MTUS2: variants seen among roughly 807,000 people sequenced by gnomAD.
MTUS2 encodes the protein microtubule associated scaffold protein 2.
MTUS2 carries 40 observed loss-of-function variants against 114.1 expected under a neutral mutation model. That is an observed-to-expected ratio of 0.35 (90% confidence interval 0.27 to 0.46). The LOEUF is 0.46. Among genes scored for constraint, MTUS2 ranks in the 20% least tolerant of loss-of-function variants. MTUS2 has a pLI of 1.00. For synonymous variants in MTUS2, 688 were observed against 672.0 expected (o/e 1.02, Z -0.37); for missense variants, 1,679 against 1,705.4 (o/e 0.98, Z 0.27).
chr13:28,932,127 G>A (rs1043230172), intron 2 of MTUS2, among the ~76,000 whole-genome samples: 8 of 152,132 alleles, frequency 5.3e-5, no homozygotes, highest in Non-Finnish European at 1.0e-4. Context: ...TCCCATATAA[G>A]CTGCAGCTCA....
intron 4 of MTUS2, 148 bp from the exon 5 acceptor site, chr13:29,100,625 G>A (rs1890370708): frequency 2.1e-6 from 2 of 964,896 alleles, no homozygotes; most frequent in East Asian, 5.3e-5. Flanking sequence ...TCTCTTCCAA[G>A]GTCCATTTTA....
Position 29,457,234 on chromosome 13 carries a change from A to G in MTUS2, c.3184+17185A>G, listed in dbSNP as rs3011611. ...AGAAGTTTGGGCTATGAATACATCT[A>G]TGTAATCACCACCCAAAACAAGATA... is the stretch of plus-strand genomic sequence containing the variant. On this transcript the variant is annotated intron_variant, in intron 9 of 15. Transcript: ENST00000612955. Among the ~76,000 whole-genome samples, 1,410 of 152,142 alleles carry G rather than the reference A, an allele frequency of 9.3e-3. 19 individuals are homozygous for G. Among genetic ancestry groups the G allele is most frequent in the African/African-American group, 0.032 (1,345 of 41,464 alleles).
chr13:28,930,490 C>G (rs1427200315), intron 2 of MTUS2, among the ~76,000 whole-genome samples: 1 of 152,132 alleles, frequency 6.6e-6, no homozygotes, highest in East Asian at 1.9e-4. Flanking sequence ...TGTTTCCTTA[C>G]TGGGTAGATT....
At chr13:29,120,943 A>G (rs996612032) in intron 5 of MTUS2, among the ~76,000 whole-genome samples, 11 of 152,262 alleles carry the variant, frequency 7.2e-5, no homozygotes, top group African/African-American at 2.7e-4. Flanking sequence ...AGCCACTTTT[A>G]TAAGTCATGT....
chr13:29,379,179 A>T (rs1872000073), intron 8 of MTUS2, among the ~76,000 whole-genome samples: 1 of 152,156 alleles, frequency 6.6e-6, no homozygotes, highest in African/African-American at 2.4e-5. Flanking sequence ...TCAGGTATTC[A>T]CAGCAGCATG....
At chr13:29,261,720 CT>C (rs1187761414) in intron 5 of MTUS2, among the ~76,000 whole-genome samples, 4 of 152,218 alleles carry the variant, frequency 2.6e-5, no homozygotes, top group Non-Finnish European at 5.9e-5. Context: ...CTTTTAACAA[CT>C]TCCACACTAA....
intron 2 of MTUS2, among the ~76,000 whole-genome samples, chr13:28,979,202 T>C (rs1258723215): frequency 6.6e-6 from 1 of 152,234 alleles, no homozygotes; most frequent in Non-Finnish European, 1.5e-5. Flanking sequence ...AGTTGAGGAC[T>C]TAAACAAAAC....
At chr13:29,240,028 G>T (rs1473061710) in intron 5 of MTUS2, 2 of 152,230 alleles carry the variant, frequency 1.3e-5, no homozygotes, top group African/African-American at 2.4e-5. Flanking sequence ...TGTGCATGTG[G>T]TTTCTGGTTT....
intron 5 of MTUS2, among the ~76,000 whole-genome samples, chr13:29,214,999 A>G (rs937890635): frequency 2.0e-5 from 3 of 151,680 alleles, no homozygotes; most frequent in Admixed American, 6.6e-5. Context: ...AGGTACACCA[A>G]TCAAACATCA....
intron 9 of MTUS2, among the ~76,000 whole-genome samples, chr13:29,464,324 C>T (rs986412352): frequency 1.3e-5 from 2 of 152,244 alleles, no homozygotes; most frequent in East Asian, 1.9e-4. Flanking sequence ...GGCACAGCCT[C>T]GGACCCAAGT....
At chr13:29,023,190 G>A (rs1002945791) in intron 2 of MTUS2, among the ~76,000 whole-genome samples, 4 of 152,158 alleles carry the variant, frequency 2.6e-5, no homozygotes, top group African/African-American at 9.7e-5. Context: ...AAGGCCCTGA[G>A]GCAGAGAGTA....
At chr13:29,232,029 T>C (rs1896343143) in intron 5 of MTUS2, among the ~76,000 whole-genome samples, 1 of 152,206 alleles carries the variant, frequency 6.6e-6, no homozygotes, top group Non-Finnish European at 1.5e-5. Flanking sequence ...CAACTAATGG[T>C]AATTTACATT....
chr13:29,116,307 G>A (rs1041935856), intron 5 of MTUS2, among the ~76,000 whole-genome samples: 2 of 152,210 alleles, frequency 1.3e-5, no homozygotes, highest in Non-Finnish European at 2.9e-5. Flanking sequence ...TTTAGATTAT[G>A]TGTGGTAGGT....
At chr13:29,049,833 C>A (rs1424377527) in intron 4 of MTUS2, among the ~76,000 whole-genome samples, 1 of 152,186 alleles carries the variant, frequency 6.6e-6, no homozygotes, top group Non-Finnish European at 1.5e-5. Flanking sequence ...CAATAGTCAA[C>A]CAGTGAGTGT....
intron 1 of MTUS2, among the ~76,000 whole-genome samples, chr13:28,831,973 A>G (rs1486682249): frequency 6.6e-6 from 1 of 151,816 alleles, no homozygotes; most frequent in Non-Finnish European, 1.5e-5. Context: ...TATGTTGGCC[A>G]GGCTTGTCTC....
At chr13:29,250,593 C>A (rs773605319) in intron 5 of MTUS2, 1 of 151,200 alleles carries the variant, frequency 6.6e-6, no homozygotes, top group Non-Finnish European at 1.5e-5. Context: ...AGTATCACAC[C>A]GTAAAAGTAG....
chr13:29,106,607 G>A (rs188540657), intron 5 of MTUS2, among the ~76,000 whole-genome samples: 2 of 152,106 alleles, frequency 1.3e-5, no homozygotes, highest in East Asian at 1.9e-4. Context: ...CACCTGCCTC[G>A]GCCTCCCAAA....
At chr13:29,358,755 C>T (rs574695785) in intron 7 of MTUS2, among the ~76,000 whole-genome samples, 1 of 152,248 alleles carries the variant, frequency 6.6e-6, no homozygotes, top group African/African-American at 2.4e-5. Context: ...GTTGCTAGAG[C>T]AGCGGTAGCC....
intron 2 of MTUS2, among the ~76,000 whole-genome samples, chr13:28,842,655 C>T (rs772750183): frequency 5.3e-5 from 8 of 152,046 alleles, no homozygotes; most frequent in Non-Finnish European, 1.2e-4. Flanking sequence ...AGAAGAGATC[C>T]TTTATGATGA....
Sources: gnomAD v4.1 joint callset for allele counts (sites outside exome capture counted in the v4.1 genomes callset) on GRCh38, gnomAD v4.1.1 for gene constraint, MANE v1.5 for transcripts, NCBI Gene and HGNC (gene_info 2026-07-23, HGNC 2026-07-21) for gene names.